RANBP2: variants seen among roughly 807,000 people sequenced by gnomAD.
RANBP2 encodes the protein E3 SUMO-protein ligase RanBP2.
RANBP2 carries 57 observed loss-of-function variants against 303.6 expected under a neutral mutation model. The ratio of observed to expected loss-of-function variants is 0.19; its 90% CI spans 0.15 to 0.23. RANBP2 has a LOEUF of 0.23. RANBP2 is among the 10% of genes least tolerant of loss of function. The pLI, the probability that RANBP2 is intolerant of heterozygous loss-of-function variation, is 1.00. For missense variants in RANBP2, 3,138 were observed against 3,780.8 expected (o/e 0.83, Z 4.46); for synonymous variants, 1,167 against 1,301.5 (o/e 0.90, Z 2.23).
At chr2:109,348,408 A>C in the RANBP2 span, among the ~76,000 whole-genome samples, 1 of 152,220 alleles carries the variant, frequency 6.6e-6, no homozygotes. Flanking sequence ...TCTGTGCATC[A>C]CAGCCCTGTC....
At chr2:109,275,057 C>T in the RANBP2 span, among the ~76,000 whole-genome samples, 2 of 152,114 alleles carry the variant, frequency 1.3e-5, no homozygotes, top group Non-Finnish European at 2.9e-5. Context: ...AAATTGTCCC[C>T]TTAGAACATC....
the RANBP2 span, among the ~76,000 whole-genome samples, chr2:109,737,766 T>A: frequency 5.3e-5 from 8 of 152,150 alleles, no homozygotes; most frequent in Non-Finnish European, 1.0e-4. Flanking sequence ...TGGTAATAGC[T>A]ATCTTAACTG....
the RANBP2 span, among the ~76,000 whole-genome samples, chr2:108,833,716 G>A: frequency 2.1e-5 from 3 of 141,892 alleles, no homozygotes; most frequent in African/African-American, 7.8e-5. Context: ...AAAATTTAAT[G>A]TGGAGTAAAC....
intron 14 of RANBP2, 81 bp from the exon 15 acceptor site, chr2:108,753,744 G>A: frequency 3.1e-6 from 5 of 1,609,578 alleles, no homozygotes; most frequent in Middle Eastern, 2.3e-4. Context: ...GGGATTACAG[G>A]CATGAGCCAC....
chr2:109,246,450 G>A, the RANBP2 span, among the ~76,000 whole-genome samples: 1 of 152,108 alleles, frequency 6.6e-6, no homozygotes, highest in African/African-American at 2.4e-5. Flanking sequence ...CTCCCCAAAG[G>A]CCTCAGCTCC....
chr2:109,429,225 G>C, the RANBP2 span, among the ~76,000 whole-genome samples: 1 of 152,080 alleles, frequency 6.6e-6, no homozygotes, highest in South Asian at 2.1e-4. Context: ...ACCCCCACCC[G>C]GGCCAAGGCC....
the RANBP2 span, among the ~76,000 whole-genome samples, chr2:109,271,907 C>T: frequency 0.022 from 3,390 of 152,324 alleles, 54 homozygotes; most frequent in Non-Finnish European, 0.035. Flanking sequence ...CTAACCGCTA[C>T]GCACACACAC....
At chr2:109,578,291 T>C in the RANBP2 span, among the ~76,000 whole-genome samples, 1 of 152,066 alleles carries the variant, frequency 6.6e-6, no homozygotes, top group Non-Finnish European at 1.5e-5. Flanking sequence ...ATAAGAAACA[T>C]GTCTAAAGCA....
the RANBP2 span, among the ~76,000 whole-genome samples, chr2:108,976,104 C>T: frequency 6.6e-6 from 1 of 152,144 alleles, no homozygotes; most frequent in Non-Finnish European, 1.5e-5. Context: ...CTTCAGATGT[C>T]CTTAGTTTTC....
At chr2:108,772,793 G>A (rs1322847794) in intron 22 of RANBP2, 75 bp from the exon 23 acceptor site, 1 of 1,488,168 alleles carries the variant, frequency 6.7e-7, no homozygotes, top group East Asian at 2.3e-5. Context: ...TGTGGATTAT[G>A]TTGATGACTA....
chr2:109,411,115 G>T, the RANBP2 span, among the ~76,000 whole-genome samples: 1 of 152,204 alleles, frequency 6.6e-6, no homozygotes, highest in East Asian at 1.9e-4. Flanking sequence ...ACCATGGTTG[G>T]AGCTGGAGGC....
the RANBP2 span, among the ~76,000 whole-genome samples, chr2:109,426,865 T>C: frequency 6.6e-6 from 1 of 152,182 alleles, no homozygotes; most frequent in South Asian, 2.1e-4. Context: ...CCACCCTGAG[T>C]AGTCAGCAAC....
the RANBP2 span, among the ~76,000 whole-genome samples, chr2:109,188,510 G>A: frequency 6.6e-6 from 1 of 152,204 alleles, no homozygotes; most frequent in Non-Finnish European, 1.5e-5. Context: ...CTCTTGGTCT[G>A]GATGAAAGAG....
chr2:108,855,441 T>TG, the RANBP2 span, among the ~76,000 whole-genome samples: 1 of 152,054 alleles, frequency 6.6e-6, no homozygotes, highest in Admixed American at 6.6e-5. Context: ...TATAAAGAGT[T>TG]GCGTTCAGGC....
At chr2:108,739,107 A>T (rs1187770529) in intron 6 of RANBP2, among the ~76,000 whole-genome samples, 1 of 152,032 alleles carries the variant, frequency 6.6e-6, no homozygotes, top group East Asian at 1.9e-4. Flanking sequence ...TGAAGCCTCT[A>T]GAAAACTCAG....
chr2:109,717,561 A>C, the RANBP2 span, among the ~76,000 whole-genome samples: 1 of 151,582 alleles, frequency 6.6e-6, no homozygotes, highest in African/African-American at 2.4e-5. Flanking sequence ...CAGCCTGGGC[A>C]ACAAGAGCAA....
the RANBP2 span, among the ~76,000 whole-genome samples, chr2:109,043,918 G>A: frequency 6.6e-6 from 1 of 152,188 alleles, no homozygotes; most frequent in Non-Finnish European, 1.5e-5. Context: ...TCTGGTTGTG[G>A]GGTCCAGTGG....
the RANBP2 span, among the ~76,000 whole-genome samples, chr2:109,245,092 T>C: frequency 2.0e-5 from 3 of 152,192 alleles, no homozygotes; most frequent in African/African-American, 7.2e-5. Context: ...GAGCAGAGTG[T>C]GCCCAGTTCT....
the RANBP2 span, among the ~76,000 whole-genome samples, chr2:109,289,624 G>T: frequency 3.3e-5 from 5 of 152,312 alleles, no homozygotes; most frequent in African/African-American, 1.2e-4. Flanking sequence ...GAGACATCAC[G>T]TGGAAAGCTA....
Sources: allele counts gnomAD v4.1 joint callset (sites outside exome capture counted in the v4.1 genomes callset), GRCh38; gene constraint gnomAD v4.1.1; transcripts MANE v1.5; gene names NCBI Gene and HGNC (gene_info 2026-07-23, HGNC 2026-07-21).